LRP1B: variants seen among roughly 807,000 people sequenced by gnomAD.
LRP1B encodes low-density lipoprotein receptor-related protein 1B.
LRP1B carries 217 observed loss-of-function variants against 556.6 expected under a neutral mutation model. That is an observed-to-expected ratio of 0.39 (90% CI 0.35 to 0.44). LRP1B has a LOEUF of 0.44. Ranked by LOEUF, LRP1B falls within the 20% of genes least tolerant of loss-of-function variation. The pLI is 1.00. For missense variants in LRP1B, 5,053 were observed against 5,620.8 expected (o/e 0.90, Z 3.23); for synonymous variants, 2,047 against 1,865.8 (o/e 1.10, Z -2.50).
chr2:140,531,845 A>T (rs1473512992), intron 47 of LRP1B, among the ~76,000 whole-genome samples: 3 of 152,132 alleles, frequency 2.0e-5, no homozygotes, highest in African/African-American at 7.2e-5. Flanking sequence ...TTTCTGTAGC[A>T]CTTGAAAATG....
chr2:142,087,602 T>C (rs1308338774), intron 1 of LRP1B, among the ~76,000 whole-genome samples: 2 of 151,554 alleles, frequency 1.3e-5, no homozygotes, highest in African/African-American at 2.4e-5. Flanking sequence ...TTATATTGAA[T>C]ATTACAATGA....
At chr2:140,483,106 C>T (rs1467341249) in intron 59 of LRP1B, among the ~76,000 whole-genome samples, 9 of 152,236 alleles carry the variant, frequency 5.9e-5, no homozygotes, top group Admixed American at 3.9e-4. Context: ...TAAATTTTAT[C>T]CATTAAAATA....
At chr2:141,783,767 T>A (rs963513424) in intron 2 of LRP1B, among the ~76,000 whole-genome samples, 1 of 151,870 alleles carries the variant, frequency 6.6e-6, no homozygotes, top group African/African-American at 2.4e-5. Context: ...AATGTTGATA[T>A]TCCCTCAGGA....
intron 1 of LRP1B, among the ~76,000 whole-genome samples, chr2:142,038,237 A>T (rs1703952207): frequency 6.6e-6 from 1 of 151,590 alleles, no homozygotes; most frequent in Admixed American, 6.6e-5. Flanking sequence ...GGTTGTTGGC[A>T]TCGGTTTTAA....
At chr2:141,206,233 C>A (rs1682273109) in intron 6 of LRP1B, among the ~76,000 whole-genome samples, 1 of 152,124 alleles carries the variant, frequency 6.6e-6, no homozygotes, top group East Asian at 1.9e-4. Flanking sequence ...TAGTAACAAC[C>A]ATTTCCTATG....
intron 29 of LRP1B, among the ~76,000 whole-genome samples, chr2:140,843,515 T>C (rs921216469): frequency 2.6e-5 from 4 of 152,136 alleles, no homozygotes; most frequent in Non-Finnish European, 4.4e-5. Flanking sequence ...TTTCCCAGTC[T>C]TATTTCTCAC....
intron 22 of LRP1B, among the ~76,000 whole-genome samples, chr2:140,903,941 T>C (rs900497728): frequency 3.9e-5 from 6 of 152,002 alleles, no homozygotes; most frequent in African/African-American, 1.4e-4. Context: ...ATTACACATA[T>C]GATTACATAT....
chr2:140,977,805 T>A (rs1696651241), intron 18 of LRP1B, among the ~76,000 whole-genome samples: 1 of 152,164 alleles, frequency 6.6e-6, no homozygotes, highest in South Asian at 2.1e-4. Context: ...ATTTCATCAT[T>A]AGGGAAGCAT....
chr2:140,266,989 T>G lies in LRP1B; in HGVS notation c.13247+3253A>C, dbSNP rs373886454. On this transcript the variant is annotated intron_variant, in intron 86 of 90. Coordinates refer to ENST00000389484, the MANE Select transcript of LRP1B (RefSeq NM_018557.3). Reference sequence around the variant, plus strand: ...ATAACCAGGGTACGCACTTTAGAATTGAACAGGACTGGTCTGAGTCTCAGA... The same window carrying G: ...ATAACCAGGGTACGCACTTTAGAATGGAACAGGACTGGTCTGAGTCTCAGA... 2.5e-3 allele frequency among the ~76,000 whole-genome samples: 380 copies of G among 152,152 alleles called. 2 individuals are homozygous for G. Among genetic ancestry groups the G allele is most frequent in the African/African-American group, 8.7e-3 (360 of 41,550 alleles).
chr2:141,670,696 A>T (rs1690634098), intron 2 of LRP1B, among the ~76,000 whole-genome samples: 1 of 152,248 alleles, frequency 6.6e-6, no homozygotes. Flanking sequence ...TTTCCAATGG[A>T]AAGTACAGCT....
intron 1 of LRP1B, among the ~76,000 whole-genome samples, chr2:141,874,561 A>G (rs1483864968): frequency 1.3e-5 from 2 of 151,958 alleles, no homozygotes; most frequent in African/African-American, 4.8e-5. Context: ...AATCCCTGGA[A>G]TTGATTTTGA....
chr2:140,683,373 T>A, intron 41 of LRP1B: 1 of 501,822 alleles, frequency 2.0e-6, no homozygotes, highest in South Asian at 1.7e-5. Context: ...TTCAGCATCA[T>A]CAAACTATCC....
At chr2:141,152,658 G>T (rs1701952926) in intron 7 of LRP1B, among the ~76,000 whole-genome samples, 1 of 151,806 alleles carries the variant, frequency 6.6e-6, no homozygotes, top group South Asian at 2.1e-4. Context: ...CTTTGCTAAA[G>T]AATAATATAT....
intron 2 of LRP1B, among the ~76,000 whole-genome samples, chr2:141,652,185 C>T (rs1247093191): frequency 6.6e-6 from 1 of 152,174 alleles, no homozygotes; most frequent in Non-Finnish European, 1.5e-5. Flanking sequence ...ACTACTCCCT[C>T]CTTGGGGAAT....
intron 2 of LRP1B, among the ~76,000 whole-genome samples, chr2:141,529,154 C>T (rs180759006): frequency 6.6e-6 from 1 of 152,274 alleles, no homozygotes; most frequent in East Asian, 1.9e-4. Flanking sequence ...AGTGTCTTAC[C>T]TAAGTACTGT....
chr2:141,506,031 A>T (rs4477847), intron 2 of LRP1B, among the ~76,000 whole-genome samples: 148,214 of 152,146 alleles, frequency 0.97, 72,305 homozygotes, highest in East Asian at 1. Context: ...AAGTGTGACA[A>T]CCCTGTTAGG....
chr2:141,612,740 C>T (rs978352678), intron 2 of LRP1B, among the ~76,000 whole-genome samples: 3 of 152,184 alleles, frequency 2.0e-5, no homozygotes, highest in African/African-American at 7.2e-5. Context: ...AATTCCCTTT[C>T]GCCTTCGCAT....
In LRP1B at chr2:141,857,633, G is replaced by T. The variant is rs570065464; in HGVS notation, c.83-47232C>A. On this transcript the variant is annotated intron_variant, in intron 1 of 90. Transcript: ENST00000389484. ...ATTACAGGCATGAGCCACAGCACCC[G>T]ACCCCTCTCCATTTTAGAAAACTGG... 2.0e-5 allele frequency among the ~76,000 whole-genome samples: 3 copies of T among 152,028 alleles called. No homozygotes were observed. The South Asian group carries it at 6.2e-4, about 32-fold the overall frequency.
chr2:140,919,873 A>G (rs1694685597), intron 21 of LRP1B, among the ~76,000 whole-genome samples: 1 of 152,126 alleles, frequency 6.6e-6, no homozygotes, highest in Non-Finnish European at 1.5e-5. Flanking sequence ...ACATTAGAAT[A>G]CTTGCGTGAA....
Sources: gnomAD v4.1 joint callset for allele counts (sites outside exome capture counted in the v4.1 genomes callset) on GRCh38, gnomAD v4.1.1 for gene constraint, MANE v1.5 for transcripts, NCBI Gene and HGNC (gene_info 2026-07-23, HGNC 2026-07-21) for gene names.